RAP1GAP: variants seen among roughly 807,000 people sequenced by gnomAD.
The protein encoded by RAP1GAP is rap1 GTPase-activating protein 1.
RAP1GAP carries 35 observed loss-of-function variants against 87.2 expected under a neutral mutation model. The observed-to-expected ratio is 0.40, with a 90% CI of 0.31 to 0.53. The LOEUF (loss-of-function observed/expected upper bound fraction) is 0.53. RAP1GAP is among the 20% of genes least tolerant of loss of function. The pLI is 0.48. For synonymous variants in RAP1GAP, 375 were observed against 363.9 expected, an observed-to-expected ratio of 1.03 and a Z score of -0.35; for missense variants, 734 against 898.9, an observed-to-expected ratio of 0.82 and a Z score of 2.35.
Position 21,648,696 on chromosome 1 carries a change from A to G in RAP1GAP, c.-113+1065T>C, listed in dbSNP as rs78689216. ...CTCTGCTTTTATCCCCCCTCAGTCT[A>G]CCCCTGCTCTGAGCATAGCACACCA... is the stretch of plus-strand genomic sequence containing the variant. On this transcript the variant is annotated intron_variant, in intron 2 of 24. Transcript: ENST00000374765. Among the ~76,000 whole-genome samples, 1,261 of 152,044 alleles carry G rather than the reference A, an allele frequency of 8.3e-3. 57 individuals are homozygous for G. Among genetic ancestry groups the G allele is most frequent in the Admixed American group, 0.072 (1,102 of 15,262 alleles).
At chr1:21,618,105 G>A in intron 5 of RAP1GAP, 133 bp from the exon 6 acceptor site, 1 of 1,049,166 alleles carries the variant, frequency 9.5e-7, no homozygotes, top group South Asian at 1.3e-5. Flanking sequence ...CTTACAGATG[G>A]GCAGGGGCTG....
chr1:21,630,266 CTT>C (rs199787255), intron 2 of RAP1GAP, among the ~76,000 whole-genome samples: 4 of 145,848 alleles, frequency 2.7e-5, no homozygotes, highest in African/African-American at 2.5e-5. Context: ...TTCTTTTTCC[CTT>C]TTTTTTTTTT....
At chr1:21,651,952 GC>G (rs1191142807) in intron 1 of RAP1GAP, 4 of 809,078 alleles carry the variant, frequency 4.9e-6, no homozygotes, top group Non-Finnish European at 6.0e-6. Flanking sequence ...GCCCCAGCGG[GC>G]CGCGGTCCAG....
chr1:21,610,345 G>A (rs1252700114), intron 13 of RAP1GAP, 70 bp from the exon 14 acceptor site: 3 of 1,541,998 alleles, frequency 1.9e-6, no homozygotes, highest in Admixed American at 3.4e-5. Flanking sequence ...GTGCCCACGG[G>A]GGTTTAGGAG....
chr1:21,617,456 C>T lies in RAP1GAP; in HGVS notation c.141G>A (p.Leu47=), dbSNP rs2082978112. 1.2e-6 allele frequency: 2 copies of T among 1,605,738 alleles called. No individual in the cohort carries two copies. Among genetic ancestry groups the T allele is most frequent in the Admixed American group, 1.7e-5 (1 of 58,704 alleles). Residue 47 remains leucine, a synonymous_variant, in exon 7 of 25, where the codon CTG becomes CTA. Transcript: ENST00000374765. Reference sequence around the variant, plus strand: ...TCCAGTAGCCCCCAAACTGGGGCAGCAGGATGAGGGGGAAGGGTCCTTCTC... The same window carrying T: ...TCCAGTAGCCCCCAAACTGGGGCAGTAGGATGAGGGGGAAGGGTCCTTCTC... The part of the protein sequence containing the change: ...LGREGPFPLI[L]LPQFGGYWIE...
At position 21,613,477 on chromosome 1, in the gene RAP1GAP, C is replaced by T. The variant is rs551635562; in HGVS notation, c.474+151G>A. ...GGAGAACACGTGGCAGCCCAAGACA[C>T]GATGGGAACAAGTGAGAGACAGCCT... On this transcript the variant is annotated intron_variant, in intron 9 of 24. Transcript: ENST00000374765. This position sits in a 1 kb window ranked among gnomAD's most constrained non-coding sequence, Gnocchi z 4.7. 9.7e-6 allele frequency: 8 copies of T among 823,260 alleles called. No individual in the cohort carries two copies. Among genetic ancestry groups the T allele is most frequent in the East Asian group, 2.5e-5 (1 of 40,618 alleles). 51.0% of individuals were successfully genotyped at this position (823,260 alleles called of 1,614,324 possible).
intron 1 of RAP1GAP, among the ~76,000 whole-genome samples, chr1:21,650,485 T>C (rs748894008): frequency 3.3e-5 from 5 of 151,950 alleles, no homozygotes; most frequent in Non-Finnish European, 5.9e-5. Flanking sequence ...GGCACCTTGG[T>C]GCCGCTGGGG....
At chr1:21,628,400 TAAAAAAAAAAAA>T (rs528098037) in intron 2 of RAP1GAP, among the ~76,000 whole-genome samples, 18 of 52,432 alleles carry the variant, frequency 3.4e-4, no homozygotes, top group African/African-American at 6.1e-4. Flanking sequence ...CCATCTCTAC[TAAAAAAAAAAAA>T]AAAAAAAAAA....
Position 21,629,716 on chromosome 1 carries a change from G to C in RAP1GAP, c.-112-3319C>G, listed in dbSNP as rs548417395. Among the ~76,000 whole-genome samples the C allele has an allele frequency of 1.9e-3, 296 of 152,282 alleles. 2 individuals are homozygous for C. Among genetic ancestry groups the C allele is most frequent in the African/African-American group, 7.0e-3 (289 of 41,550 alleles). On this transcript the variant is annotated intron_variant, in intron 2 of 24. Coordinates refer to ENST00000374765, the MANE Select transcript of RAP1GAP (RefSeq NM_002885.4). Reference sequence around the variant, plus strand: ...GGAATGACAAAGCCACGTCCTGCCGGGCGTCTTGCATAATCTAATTTAATC... The same window carrying C: ...GGAATGACAAAGCCACGTCCTGCCGCGCGTCTTGCATAATCTAATTTAATC...
Position 21,603,909 on chromosome 1 carries a change from A to G in RAP1GAP, c.1429-996T>C. ...CTCGCACTTTTCCCAGGAATAAGCA[A>G]TGACTGGCAAGCAGCAGAGGGCGGG... is the stretch of plus-strand genomic sequence containing the variant. On this transcript the variant is annotated intron_variant, in intron 18 of 24. Coordinates refer to ENST00000374765, the MANE Select transcript of RAP1GAP (RefSeq NM_002885.4). This position sits in a 1 kb window ranked among gnomAD's most constrained non-coding sequence, Gnocchi z 6.0. 6.5e-7 allele frequency: 1 copy of G among 1,540,682 alleles called. No individual in the cohort carries two copies.
chr1:21,650,035 G>A (rs2096434765), intron 1 of RAP1GAP, among the ~76,000 whole-genome samples: 1 of 151,902 alleles, frequency 6.6e-6, no homozygotes, highest in Admixed American at 6.6e-5. Context: ...ACTGGGGGCA[G>A]TGGGGCAGGG....
intron 2 of RAP1GAP, among the ~76,000 whole-genome samples, chr1:21,639,636 C>G (rs1418609407): frequency 6.6e-6 from 1 of 152,186 alleles, no homozygotes; most frequent in Non-Finnish European, 1.5e-5. Context: ...CCACCTTGCA[C>G]GTGTAGAGAA....
Position 21,622,755 on chromosome 1 carries a change from G to A in RAP1GAP, c.-18-2705C>T, listed in dbSNP as rs1316756555. Among the ~76,000 whole-genome samples the A allele has an allele frequency of 1.3e-5, 2 of 151,822 alleles. No homozygotes were observed. Among genetic ancestry groups the A allele is most frequent in the African/African-American group, 4.8e-5 (2 of 41,408 alleles). On this transcript the variant is annotated intron_variant, in intron 3 of 24. Coordinates refer to ENST00000374765, the MANE Select transcript of RAP1GAP (RefSeq NM_002885.4). The surrounding 1 kb of genome is among the most constrained non-coding windows in gnomAD (Gnocchi z 5.7). ...GGCTCCCCGAGGGGGCCCCCCACTC[G>A]GTTCTCCCCAGCGCGCCCCCACCTC...
chr1:21,665,763 G>A (rs2097322161), intron 1 of RAP1GAP, among the ~76,000 whole-genome samples: 4 of 152,178 alleles, frequency 2.6e-5, no homozygotes, highest in Admixed American at 2.6e-4. Context: ...CCCTCCTCCT[G>A]GGCTGACCCC....
At chr1:21,604,007 G>T in intron 18 of RAP1GAP, 1 of 992,996 alleles carries the variant, frequency 1.0e-6, no homozygotes, top group South Asian at 1.7e-5. Flanking sequence ...GAGAGGAGGA[G>T]AGGCAGGGAA....
intron 7 of RAP1GAP, among the ~76,000 whole-genome samples, chr1:21,616,593 C>G (rs1168397564): frequency 1.3e-5 from 2 of 152,258 alleles, no homozygotes; most frequent in Non-Finnish European, 2.9e-5. Flanking sequence ...GACGAAGAGA[C>G]AGCACCCGGC....
Position 21,611,490 on chromosome 1 carries a change from A to T in RAP1GAP, c.805T>A (p.Ser269Thr). ...FRNKEIMFHV[S>T]TKLPYTEGDA... The stretch of plus-strand genomic sequence containing the variant: ...CCTTCCGTGTATGGCAGCTTGGTGG[A>T]CACGTGAAACATGATCTCCTTGTTG... The change falls in exon 13 of 25, where the codon TCC becomes ACC. Residue 269 changes from serine to threonine, a missense_variant. Around this residue, in one of 2 missense-constraint regions of RAP1GAP, gnomAD observed 485 missense variants for 646.2 expected, o/e 0.75. Coordinates refer to ENST00000374765, the MANE Select transcript of RAP1GAP (RefSeq NM_002885.4). 5 of 1,614,180 alleles carry T rather than the reference A, an allele frequency of 3.1e-6. No individual in the cohort carries two copies. Among genetic ancestry groups the T allele is most frequent in the Non-Finnish European group, 3.4e-6 (4 of 1,180,014 alleles).
chr1:21,636,120 A>C (rs1309033530), intron 2 of RAP1GAP, among the ~76,000 whole-genome samples: 3 of 152,238 alleles, frequency 2.0e-5, no homozygotes, highest in Non-Finnish European at 4.4e-5. Context: ...GGACAACCTG[A>C]CTAGCCTAGA....
intron 2 of RAP1GAP, among the ~76,000 whole-genome samples, chr1:21,639,697 G>A (rs1000294428): frequency 1.8e-4 from 27 of 152,208 alleles, no homozygotes; most frequent in Admixed American, 1.6e-3. Context: ...AGGCACATCT[G>A]TGCGGATGTG....
Sources: gnomAD v4.1 joint callset for allele counts (sites outside exome capture counted in the v4.1 genomes callset) on GRCh38, gnomAD v4.1.1 for gene constraint, gnomAD v4.1.1 regional missense constraint, Gnocchi (gnomAD v3.1) non-coding constraint, MANE v1.5 for transcripts, NCBI Gene and HGNC (gene_info 2026-07-23, HGNC 2026-07-21) for gene names.